The following PCDH15 variants were observed in gnomAD, a reference collection of about 807,000 sequenced individuals.
The protein encoded by PCDH15 is protocadherin related 15, also known as protocadherin-15.
PCDH15 carries 129 observed loss-of-function variants against 178.5 expected under a neutral mutation model. The ratio of observed to expected loss-of-function variants is 0.72; its 90% CI spans 0.63 to 0.84. The LOEUF is 0.84. PCDH15 is among the 40% of genes least tolerant of loss of function. The probability of loss-of-function intolerance (pLI) is 0.00; values close to 1 mark genes in which losing one functional copy is unlikely to be tolerated. For synonymous variants in PCDH15, 800 were observed against 732.0 expected, an observed-to-expected ratio of 1.09 and a Z score of -1.50; for missense variants, 2,230 against 2,099.9, an observed-to-expected ratio of 1.06 and a Z score of -1.21.
intron 2 of PCDH15, among the ~76,000 whole-genome samples, chr10:55,060,857 G>A (rs1014247848): frequency 6.6e-6 from 1 of 151,964 alleles, no homozygotes; most frequent in Admixed American, 6.6e-5. Flanking sequence ...ATATAGTTAT[G>A]GAGTAACTGA....
chr10:55,411,243 C>A (rs564750435), intron 2 of PCDH15, among the ~76,000 whole-genome samples: 1 of 151,914 alleles, frequency 6.6e-6, no homozygotes, highest in Non-Finnish European at 1.5e-5. Context: ...AAAACTGTGC[C>A]CAGTGCTGCT....
At position 54,947,444 on chromosome 10, in the gene PCDH15, T is replaced by C. The variant is rs567135395; in HGVS notation, c.-79-49944A>G. On this transcript the variant is annotated intron_variant, in intron 2 of 5. Transcript: ENST00000458638. The stretch of plus-strand genomic sequence containing the variant: ...CTGCCTTTGAAGAATGTCCCTTGAA[T>C]GATATTTTACATCGTTATCCCATTT... Among the ~76,000 whole-genome samples the C allele has an allele frequency of 2.0e-5, 3 of 152,086 alleles. No homozygotes were observed. The South Asian group carries it at 6.2e-4, about 32-fold the overall frequency.
intron 2 of PCDH15, among the ~76,000 whole-genome samples, chr10:55,577,433 A>T (rs1036144175): frequency 1.3e-5 from 2 of 152,168 alleles, no homozygotes; most frequent in African/African-American, 4.8e-5. Context: ...CTGTGGAGAT[A>T]CCTGAAGAAA....
intron 2 of PCDH15, among the ~76,000 whole-genome samples, chr10:55,339,614 A>C (rs1588930591): frequency 6.6e-6 from 1 of 152,140 alleles, no homozygotes; most frequent in East Asian, 1.9e-4. Context: ...TAAGAAAAAT[A>C]ACATTGAGAA....
At chr10:55,286,473 G>A (rs1842872439) in intron 1 of PCDH15, among the ~76,000 whole-genome samples, 1 of 149,774 alleles carries the variant, frequency 6.7e-6, no homozygotes, top group Non-Finnish European at 1.5e-5. Flanking sequence ...ATTAGGTTTG[G>A]TCATATCTGT....
upstream of PCDH15, among the ~76,000 whole-genome samples, chr10:54,801,886 T>G (rs1412587372): frequency 6.6e-6 from 1 of 152,110 alleles, no homozygotes; most frequent in Non-Finnish European, 1.5e-5. Context: ...CAAAACAAAG[T>G]TTTACAGATG....
At chr10:55,550,453 C>A (rs1841982159) in intron 2 of PCDH15, among the ~76,000 whole-genome samples, 1 of 152,094 alleles carries the variant, frequency 6.6e-6, no homozygotes, top group Admixed American at 6.6e-5. Context: ...AGTATGGACT[C>A]CGTGTTCTTA....
chr10:54,233,343 T>C (rs1468382844), intron 9 of PCDH15, among the ~76,000 whole-genome samples: 2 of 150,708 alleles, frequency 1.3e-5, no homozygotes, highest in South Asian at 2.1e-4. Flanking sequence ...TTACAAAGTA[T>C]TGTTATTTTT....
At chr10:55,395,806 T>G (rs1333892004) in intron 2 of PCDH15, among the ~76,000 whole-genome samples, 1 of 152,038 alleles carries the variant, frequency 6.6e-6, no homozygotes, top group East Asian at 1.9e-4. Flanking sequence ...TTTATTTACA[T>G]GTATAAACAA....
In PCDH15 at chr10:54,195,851, G is replaced by A. The variant is rs775537342; in HGVS notation, c.1137C>T (p.Ala379=). The A allele has an allele frequency of 2.4e-5, 38 of 1,613,444 alleles. No homozygotes were observed. Among genetic ancestry groups the A allele is most frequent in the Non-Finnish European group, 3.0e-5 (35 of 1,179,766 alleles). ...QDNGHPLPAF[A]GLHIEILDEN... The stretch of plus-strand genomic sequence containing the variant: ...CATCCAGTATTTCAATGTGTAGACC[G>A]GCAAAGGCAGGAAGAGGATGACCAT... The change falls in exon 11 of 38, where the codon GCC becomes GCT. Residue 379 remains alanine, a synonymous_variant. Transcript: ENST00000644397.
intron 3 of PCDH15, among the ~76,000 whole-genome samples, chr10:54,506,445 C>A (rs867429468): frequency 4.6e-5 from 7 of 151,892 alleles, no homozygotes; most frequent in African/African-American, 1.7e-4. Flanking sequence ...AACATTAAAT[C>A]ATTTTCATGT....
At chr10:54,165,927 A>C (rs1041999854) in intron 13 of PCDH15, among the ~76,000 whole-genome samples, 19 of 152,136 alleles carry the variant, frequency 1.2e-4, no homozygotes, top group Admixed American at 1.1e-3. Context: ...TGAGAGAGAA[A>C]CCTATCTTTA....
chr10:54,195,779 A>C lies in PCDH15; in HGVS notation c.1209T>G (p.Tyr403Ter), dbSNP rs759187261. Residue 403 changes from tyrosine (Y) to a stop codon, truncating the protein, a stop_gained, in exon 11 of 38, where the codon TAT becomes TAG. Coordinates refer to ENST00000644397, the MANE Select transcript of PCDH15 (RefSeq NM_001384140.1). LOFTEE classifies it high-confidence loss of function. ...CTCCCACTGGGGCAGATTCCAGGAT[A>C]TAGCCTTGATAACTGGGCATTGTAA... ...PYFTMPSYQG[Y>*]ILESAPVGAT... 6.2e-6 allele frequency: 10 copies of C among 1,614,068 alleles called. No homozygotes were observed. Among genetic ancestry groups the C allele is most frequent in the Non-Finnish European group, 7.6e-6 (9 of 1,179,906 alleles).
At chr10:54,857,608 G>A (rs1953762915) in intron 3 of PCDH15, among the ~76,000 whole-genome samples, 1 of 149,082 alleles carries the variant, frequency 6.7e-6, no homozygotes, top group Non-Finnish European at 1.5e-5. Context: ...GCCATGCCTG[G>A]CTAATTTTTT....
intron 25 of PCDH15, among the ~76,000 whole-genome samples, chr10:53,924,938 T>C (rs1051462581): frequency 5.9e-5 from 9 of 152,206 alleles, no homozygotes; most frequent in Non-Finnish European, 1.3e-4. Flanking sequence ...CTTTTGCGTC[T>C]AGCTCAGGGA....
chr10:55,308,800 G>A (rs914905581), intron 1 of PCDH15, among the ~76,000 whole-genome samples: 2 of 152,044 alleles, frequency 1.3e-5, no homozygotes, highest in African/African-American at 4.8e-5. Flanking sequence ...TTTAGCAAAA[G>A]AAAACCACAT....
chr10:53,975,824 T>C, intron 21 of PCDH15, among the ~76,000 whole-genome samples: 1 of 152,196 alleles, frequency 6.6e-6, no homozygotes, highest in Non-Finnish European at 1.5e-5. Context: ...TTTTGGTGAC[T>C]GAGTCAAAAC....
intron 2 of PCDH15, among the ~76,000 whole-genome samples, chr10:55,114,402 C>T (rs1484250002): frequency 1.3e-5 from 2 of 152,198 alleles, no homozygotes; most frequent in East Asian, 1.9e-4. Flanking sequence ...TATACCTATA[C>T]TTCCAAAAAG....
At chr10:53,867,820 T>C (rs576723107) in intron 26 of PCDH15, among the ~76,000 whole-genome samples, 1 of 152,270 alleles carries the variant, frequency 6.6e-6, no homozygotes, top group South Asian at 2.1e-4. Flanking sequence ...ATATTCTAAT[T>C]AATTAATGCC....
Sources: allele counts gnomAD v4.1 joint callset (sites outside exome capture counted in the v4.1 genomes callset), GRCh38; gene constraint gnomAD v4.1.1; transcripts MANE v1.5; gene names NCBI Gene and HGNC (gene_info 2026-07-23, HGNC 2026-07-21).